VDR: variants seen among roughly 807,000 people sequenced by gnomAD.
VDR encodes the protein vitamin D3 receptor.
VDR carries 19 observed loss-of-function variants against 39.7 expected under a neutral mutation model. That is an observed-to-expected ratio of 0.48 (90% confidence interval 0.33 to 0.70). The LOEUF is 0.70. VDR is among the 30% of genes least tolerant of loss of function. The probability of loss-of-function intolerance (pLI) is 0.02; values close to 1 mark genes in which losing one functional copy is unlikely to be tolerated. For synonymous variants in VDR, 242 were observed against 215.8 expected (o/e 1.12, Z -1.07); for missense variants, 442 against 570.5 (o/e 0.77, Z 2.29).
At chr12:47,898,775 A>T (rs983788272) in intron 1 of VDR, 1 of 155,522 alleles carries the variant, frequency 6.4e-6, no homozygotes, top group Admixed American at 6.5e-5. Flanking sequence ...CACAGAGAAC[A>T]CACAGGTATG....
intron 1 of VDR, among the ~76,000 whole-genome samples, chr12:47,893,176 G>A (rs1287012720): frequency 6.6e-6 from 1 of 152,156 alleles, no homozygotes; most frequent in Non-Finnish European, 1.5e-5. Flanking sequence ...TTATTGCCAC[G>A]ATTTATTGAA....
Position 47,855,783 on chromosome 12 carries a change from C to A in VDR, c.602G>T (p.Ser201Ile), listed in dbSNP as rs1269189957. 6.2e-7 allele frequency: 1 copy of A among 1,614,028 alleles called. No homozygotes were observed. Among genetic ancestry groups the A allele is most frequent in the Non-Finnish European group, 8.5e-7 (1 of 1,179,954 alleles). The change falls in exon 7 of 10, where the codon AGC (serine) becomes ATC (isoleucine). Residue 201 changes from serine to isoleucine, a missense_variant. Transcript: ENST00000549336. ...ITSSDMMDSSSFSNLDLSEED... is the reference protein window; with the variant it reads ...ITSSDMMDSSIFSNLDLSEED... ...TTCACTCAGATCCAGATTGGAGAAG[C>A]TGGACGAGTCCATCATGTCTGGGAG...
intron 4 of VDR, among the ~76,000 whole-genome samples, chr12:47,863,199 G>A (rs1281774883): frequency 1.3e-5 from 2 of 152,202 alleles, no homozygotes; most frequent in African/African-American, 4.8e-5. Context: ...CCAGGAGGCA[G>A]GTAGGAGGGG....
chr12:47,904,156 G>A (rs1407337475), intron 1 of VDR, among the ~76,000 whole-genome samples: 1 of 151,820 alleles, frequency 6.6e-6, no homozygotes, highest in East Asian at 1.9e-4. Context: ...AAGGGTCTGG[G>A]CTTGGAGACC....
chr12:47,893,451 G>A (rs1946408705), intron 1 of VDR, among the ~76,000 whole-genome samples: 1 of 151,712 alleles, frequency 6.6e-6, no homozygotes, highest in South Asian at 2.1e-4. Flanking sequence ...GAAAAATTCA[G>A]CCTAGCTGAA....
chr12:47,870,633 C>T (rs1945832053), intron 3 of VDR, among the ~76,000 whole-genome samples: 1 of 152,140 alleles, frequency 6.6e-6, no homozygotes, highest in Non-Finnish European at 1.5e-5. Flanking sequence ...GGGGCCAGGG[C>T]CTCAGGCCTG....
At chr12:47,859,257 A>G (rs1425278260) in intron 4 of VDR, among the ~76,000 whole-genome samples, 1 of 152,164 alleles carries the variant, frequency 6.6e-6, no homozygotes, top group East Asian at 1.9e-4. Context: ...GCTCAGCCTG[A>G]CTGGACTTTG....
At chr12:47,897,750 C>A (rs1160034960) in intron 1 of VDR, among the ~76,000 whole-genome samples, 1 of 152,180 alleles carries the variant, frequency 6.6e-6, no homozygotes, top group Non-Finnish European at 1.5e-5. Context: ...CTCCAGCTAC[C>A]CCTTGCTTCT....
intron 1 of VDR, among the ~76,000 whole-genome samples, chr12:47,894,737 G>C (rs1019232573): frequency 6.6e-6 from 1 of 152,338 alleles, no homozygotes; most frequent in South Asian, 2.1e-4. Flanking sequence ...AGGGTGGGGC[G>C]GGGGAGGCTG....
chr12:47,856,920 C>A (rs1252343083), intron 6 of VDR, among the ~76,000 whole-genome samples: 1 of 152,254 alleles, frequency 6.6e-6, no homozygotes, highest in African/African-American at 2.4e-5. Flanking sequence ...GGAATCCCAG[C>A]TTGGCCTCTT....
Position 47,857,199 on chromosome 12 carries a change from G to C in VDR, c.513C>G (p.Asn171Lys). Residue 171 changes from asparagine (N) to lysine (K), a missense_variant, in exon 6 of 10, where the codon AAC becomes AAG. Physicochemically the swap from Asn to Lys is moderately conservative, Grantham distance 94 (BLOSUM62 0). Around this residue, in one of 5 missense-constraint regions of VDR, gnomAD observed 77 missense variants for 67.4 expected, o/e 1.14. Transcript: ENST00000549336. ...CAGAGAAGCTGGGAGTGTGTCTGGA[G>C]TTGGGCCTGGAAGGATGGCTCCCTC... ...DGGGSHPSRP[N>K]SRHTPSFSGD... The C allele has an allele frequency of 1.2e-6, 2 of 1,614,220 alleles. No homozygotes were observed. The highest frequency in any genetic ancestry group is 8.5e-7 in the Non-Finnish European group (1 of 1,180,034).
At chr12:47,865,729 T>TG (rs1945719369) in intron 3 of VDR, among the ~76,000 whole-genome samples, 1 of 150,008 alleles carries the variant, frequency 6.7e-6, no homozygotes, top group Admixed American at 6.6e-5. Flanking sequence ...TTTTTTTTTT[T>TG]TTTGAGACGG....
chr12:47,867,211 G>A (rs539377934), intron 3 of VDR, among the ~76,000 whole-genome samples: 3 of 152,144 alleles, frequency 2.0e-5, no homozygotes, highest in Non-Finnish European at 2.9e-5. Context: ...AAAATTAGCC[G>A]GGCACGGTGG....
rs142418811 is a variant in VDR, at chr12:47,853,200, T to C, written c.755+2430A>G. Among the ~76,000 whole-genome samples the C allele has an allele frequency of 4.2e-4, 64 of 152,252 alleles. 3 individuals are homozygous for C. The East Asian group carries it at 0.012, about 29-fold the overall frequency. On this transcript the variant is annotated intron_variant, in intron 7 of 9. Transcript: ENST00000549336. Reference sequence around the variant, plus strand: ...GCTCATGCCTGTAATCCCAGCACTTTGGGAGGCCGAGACAGGCGGATCACG... The same window carrying C: ...GCTCATGCCTGTAATCCCAGCACTTCGGGAGGCCGAGACAGGCGGATCACG...
chr12:47,887,923 T>A (rs1294286852), intron 1 of VDR, among the ~76,000 whole-genome samples: 1 of 152,236 alleles, frequency 6.6e-6, no homozygotes, highest in Non-Finnish European at 1.5e-5. Context: ...GGACTATGCA[T>A]CACCTTTGAG....
At position 47,844,707 on chromosome 12, in the gene VDR, G is replaced by A. The variant is rs1434645536; in HGVS notation, c.*39C>T. ...CCCGGGCCTGGCACGTGGCCCTGGA[G>A]GAGCAGCCCCACCCAGGCACCGCCA... is the stretch of plus-strand genomic sequence containing the variant. On this transcript the variant is annotated 3_prime_UTR_variant, in exon 10 of 10. Transcript: ENST00000549336. 6.2e-7 allele frequency: 1 copy of A among 1,612,874 alleles called. No individual in the cohort carries two copies. Among genetic ancestry groups the A allele is most frequent in the Non-Finnish European group, 8.5e-7 (1 of 1,179,784 alleles).
At chr12:47,856,579 A>G (rs1207052028) in intron 6 of VDR, among the ~76,000 whole-genome samples, 1 of 151,378 alleles carries the variant, frequency 6.6e-6, no homozygotes, top group African/African-American at 2.4e-5. Flanking sequence ...ATCAGATTGT[A>G]TACAGCACAA....
intron 1 of VDR, among the ~76,000 whole-genome samples, chr12:47,893,391 A>C (rs946571923): frequency 6.6e-6 from 1 of 152,184 alleles, no homozygotes; most frequent in African/African-American, 2.4e-5. Context: ...CCCTGAGAAG[A>C]ATAGGACCAT....
At chr12:47,856,532 G>C (rs1174516789) in intron 6 of VDR, among the ~76,000 whole-genome samples, 2 of 151,230 alleles carry the variant, frequency 1.3e-5, no homozygotes, top group Non-Finnish European at 2.9e-5. Flanking sequence ...GTACTAACTG[G>C]TATGGAAAAA....
Sources: allele counts gnomAD v4.1 joint callset (sites outside exome capture counted in the v4.1 genomes callset), GRCh38; gene constraint gnomAD v4.1.1; regional missense constraint gnomAD v4.1.1; transcripts MANE v1.5; gene names NCBI Gene and HGNC (gene_info 2026-07-23, HGNC 2026-07-21).